The following DTD1 variants were observed in gnomAD, a reference collection of about 807,000 sequenced individuals.
DTD1 encodes the protein D-aminoacyl-tRNA deacylase 1.
A neutral mutation model predicts 25.6 loss-of-function variants in DTD1; 13 were observed. The observed-to-expected ratio is 0.51, with a 90% CI of 0.33 to 0.81. The LOEUF is 0.81. DTD1 is among the 30% of genes least tolerant of loss of function. The pLI is 0.02. For synonymous variants in DTD1, 110 were observed against 103.6 expected (o/e 1.06, Z -0.37); for missense variants, 193 against 266.4 (o/e 0.72, Z 1.92).
intron 4 of DTD1, among the ~76,000 whole-genome samples, chr20:18,657,909 T>G (rs756648580): frequency 2.0e-5 from 3 of 152,054 alleles, no homozygotes; most frequent in African/African-American, 4.8e-5. Flanking sequence ...GCCTTGCAAA[T>G]CACACACACA....
intron 4 of DTD1, among the ~76,000 whole-genome samples, chr20:18,655,304 G>C (rs1415630897): frequency 1.3e-5 from 2 of 152,180 alleles, no homozygotes; most frequent in East Asian, 1.9e-4. Context: ...AGACTAATGA[G>C]TTAATCTGTT....
At chr20:18,696,411 G>A (rs1211994685) in intron 4 of DTD1, among the ~76,000 whole-genome samples, 1 of 152,138 alleles carries the variant, frequency 6.6e-6, no homozygotes, top group Non-Finnish European at 1.5e-5. Context: ...CAGCCCTTCA[G>A]GTCAGGTGCC....
chr20:18,726,759 C>G (rs1407109785), intron 4 of DTD1, among the ~76,000 whole-genome samples: 1 of 152,192 alleles, frequency 6.6e-6, no homozygotes, highest in Non-Finnish European at 1.5e-5. Flanking sequence ...GGACAGACAC[C>G]TACCACACTG....
chr20:18,694,745 A>G (rs1018847372), intron 4 of DTD1, among the ~76,000 whole-genome samples: 4 of 152,140 alleles, frequency 2.6e-5, no homozygotes, highest in African/African-American at 9.7e-5. Flanking sequence ...TTTTTTTTAT[A>G]TACAGGTCAC....
At position 18,737,011 on chromosome 20, in the gene DTD1, C is replaced by T. The variant is rs148059082; in HGVS notation, c.478-7089C>T. ...AGCCTGCCCTGCTGCCTTGCCGTGC[C>T]GGTCCTGTCTGAAGTCTCTGATGAT... On this transcript the variant is annotated intron_variant, in intron 4 of 5. Transcript: ENST00000377452. Among the ~76,000 whole-genome samples the T allele has an allele frequency of 2.7e-3, 416 of 152,304 alleles. 1 individual carries two copies. The highest frequency in any genetic ancestry group is 8.3e-3 in the African/African-American group (346 of 41,566).
chr20:18,698,938 A>G (rs2061091092), intron 4 of DTD1, among the ~76,000 whole-genome samples: 2 of 152,044 alleles, frequency 1.3e-5, no homozygotes, highest in African/African-American at 4.8e-5. Flanking sequence ...TGGTTACAAA[A>G]TGGCTGCCAC....
chr20:18,653,227 C>T (rs1190382512), intron 4 of DTD1, among the ~76,000 whole-genome samples: 2 of 152,136 alleles, frequency 1.3e-5, no homozygotes, highest in Non-Finnish European at 2.9e-5. Context: ...CATGGTGAAA[C>T]CCTGTCTCTA....
chr20:18,613,386 T>A (rs2060696006), intron 3 of DTD1, among the ~76,000 whole-genome samples: 1 of 152,186 alleles, frequency 6.6e-6, no homozygotes, highest in African/African-American at 2.4e-5. Context: ...AAACTGTTGC[T>A]AAAACTCTCA....
chr20:18,725,559 C>T (rs1345438358), intron 4 of DTD1, among the ~76,000 whole-genome samples: 3 of 152,226 alleles, frequency 2.0e-5, no homozygotes, highest in Non-Finnish European at 2.9e-5. Context: ...GGTCTCCAAG[C>T]TGACCTGGCA....
At chr20:18,609,000 A>G (rs1308390103) in intron 3 of DTD1, among the ~76,000 whole-genome samples, 1 of 152,174 alleles carries the variant, frequency 6.6e-6, no homozygotes, top group East Asian at 1.9e-4. Context: ...AATACATAAG[A>G]AAAAAATTTT....
rs1238632441 is a variant in DTD1, at chr20:18,763,897, A to AC, written c.*559dup. 1 of 152,206 alleles carries AC rather than the reference A, an allele frequency of 6.6e-6. No individual in the cohort carries two copies. Among genetic ancestry groups the AC allele is most frequent in the Non-Finnish European group, 1.5e-5 (1 of 68,046 alleles). 9.4% of individuals were successfully genotyped at this position (152,206 alleles called of 1,614,324 possible). ...ATAATAAAATCCTAAATCTCAACAA[A>AC]CCACTTTATTATCAAACAAATTCTG... On this transcript the variant is annotated 3_prime_UTR_variant, in exon 6 of 6. Transcript: ENST00000377452.
chr20:18,662,684 C>T (rs201311505), intron 4 of DTD1, among the ~76,000 whole-genome samples: 1 of 152,136 alleles, frequency 6.6e-6, no homozygotes, highest in East Asian at 1.9e-4. Flanking sequence ...ATGCAGTTGA[C>T]CTATATCCTA....
intron 1 of DTD1, among the ~76,000 whole-genome samples, chr20:18,591,216 C>CT (rs1275967672): frequency 1.3e-5 from 2 of 152,176 alleles, no homozygotes; most frequent in African/African-American, 4.8e-5. Flanking sequence ...ACAGCAGTCT[C>CT]TGTGTCATAT....
At chr20:18,755,539 C>T (rs1279132846) in intron 5 of DTD1, among the ~76,000 whole-genome samples, 3 of 151,974 alleles carry the variant, frequency 2.0e-5, no homozygotes, top group Admixed American at 1.3e-4. Flanking sequence ...TTGTCCTTGG[C>T]GATAGTTTGC....
chr20:18,632,173 A>T, intron 4 of DTD1: 1 of 985,368 alleles, frequency 1.0e-6, no homozygotes, highest in Non-Finnish European at 1.2e-6. Context: ...TCCCCAAATC[A>T]AAAAATCCTC....
chr20:18,753,600 T>C, intron 5 of DTD1, among the ~76,000 whole-genome samples: 1 of 3,812 alleles, frequency 2.6e-4, no homozygotes, highest in Non-Finnish European at 1.2e-3. Context: ...GAAGCGAAAC[T>C]CTGTCTCAAA....
intron 4 of DTD1, among the ~76,000 whole-genome samples, chr20:18,663,658 C>T (rs1313405828): frequency 6.6e-6 from 1 of 152,120 alleles, no homozygotes; most frequent in African/African-American, 2.4e-5. Flanking sequence ...TTAGTTAGTT[C>T]TCATGCCACT....
chr20:18,728,780 G>C (rs566582278), intron 4 of DTD1, among the ~76,000 whole-genome samples: 1 of 152,270 alleles, frequency 6.6e-6, no homozygotes, highest in South Asian at 2.1e-4. Flanking sequence ...CCCCTGCCTG[G>C]GTCCCCTGGG....
At chr20:18,704,329 T>C (rs1272829965) in intron 4 of DTD1, among the ~76,000 whole-genome samples, 2 of 152,098 alleles carry the variant, frequency 1.3e-5, no homozygotes, top group Non-Finnish European at 2.9e-5. Context: ...GGCAGGTCAT[T>C]TGGTCTCCAG....
Sources: allele counts gnomAD v4.1 joint callset (sites outside exome capture counted in the v4.1 genomes callset), GRCh38; gene constraint gnomAD v4.1.1; transcripts MANE v1.5; gene names NCBI Gene and HGNC (gene_info 2026-07-23, HGNC 2026-07-21).